The following ERCC8 variants were observed in gnomAD, a reference collection of about 807,000 sequenced individuals.
The protein encoded by ERCC8 is ERCC excision repair 8, CSA ubiquitin ligase complex subunit.
A neutral mutation model predicts 54.9 loss-of-function variants in ERCC8; 52 were observed. The observed-to-expected ratio is 0.95, with a 90% confidence interval of 0.76 to 1.19. The LOEUF (loss-of-function observed/expected upper bound fraction) is 1.19. Among genes scored for constraint, ERCC8 ranks in the 50% most tolerant of loss-of-function variants. The pLI, the probability that ERCC8 is intolerant of heterozygous loss-of-function variation, is 0.00. For missense variants in ERCC8, 514 were observed against 466.1 expected, an observed-to-expected ratio of 1.10 and a Z score of -0.95; for synonymous variants, 146 against 157.2, an observed-to-expected ratio of 0.93 and a Z score of 0.53.
chr5:60,872,233 C>T lies in ERCC8; in HGVS notation c.*2382G>A, dbSNP rs950355113. ...AAAACATGGAGAAAATGCTCCATGA[C>T]ATTGGTCTGGGCAATGATTTTTTTG... On this transcript the variant is annotated 3_prime_UTR_variant, in exon 12 of 12. Transcript: ENST00000676185. Among the ~76,000 whole-genome samples, 1 of 152,118 alleles carries T rather than the reference C, an allele frequency of 6.6e-6. No homozygotes were observed. Among genetic ancestry groups the T allele is most frequent in the African/African-American group, 2.4e-5 (1 of 41,416 alleles).
At position 60,944,967 on chromosome 5, in the gene ERCC8, G is replaced by A. The variant is rs886043215; in HGVS notation, c.42C>T (p.Asp14=). The stretch of plus-strand genomic sequence containing the variant: ...ACTCTGCTCTCCGAAGGCGAAGAGG[G>A]TCCTCCAAACCCGTTTGGCGTGCGG... ...FLSARQTGLE[D]PLRLRRAEST... The change falls in exon 1 of 12, where the codon GAC becomes GAT. Residue 14 remains aspartate, a synonymous_variant. Transcript: ENST00000676185. The A allele has an allele frequency of 1.1e-5, 17 of 1,614,000 alleles. No individual in the cohort carries two copies. The highest frequency in any genetic ancestry group is 1.6e-4 in the Middle Eastern group (1 of 6,084).
At chr5:60,884,523 G>T (rs1382115664) in intron 11 of ERCC8, among the ~76,000 whole-genome samples, 2 of 128,120 alleles carry the variant, frequency 1.6e-5, no homozygotes, top group East Asian at 2.3e-4. Flanking sequence ...GTGTGTATGT[G>T]TTTTTTTTTT....
In ERCC8 at chr5:60,867,470, T is replaced by G. The variant is rs1747777948; in HGVS notation, c.*7145A>C. Among the ~76,000 whole-genome samples, 2 of 152,220 alleles carry G rather than the reference T, an allele frequency of 1.3e-5. No homozygotes were observed. The highest frequency in any genetic ancestry group is 2.4e-5 in the African/African-American group (1 of 41,468). On this transcript the variant is annotated 3_prime_UTR_variant, in exon 12 of 12. Transcript: ENST00000676185. ...TGAAAAAAATAATCTTACCATTCTT[T>G]AATGTCCATAGTGATCATCACTGAG...
chr5:60,889,384 C>A (rs1453954701), intron 10 of ERCC8, among the ~76,000 whole-genome samples: 1 of 152,140 alleles, frequency 6.6e-6, no homozygotes, highest in Non-Finnish European at 1.5e-5. Context: ...GTGAACACGG[C>A]TCACTCAATC....
At chr5:60,902,538 C>T in intron 6 of ERCC8, 30 bp from the exon 7 acceptor site, 2 of 1,576,722 alleles carry the variant, frequency 1.3e-6, no homozygotes, top group African/African-American at 1.3e-5. Flanking sequence ...AAAAGTCTTG[C>T]AAGATATCTG....
chr5:60,933,216 C>CTTTTTTTTTTTTTTTTTTT (rs143139297), intron 1 of ERCC8, among the ~76,000 whole-genome samples: 4 of 89,484 alleles, frequency 4.5e-5, no homozygotes, highest in Non-Finnish European at 8.2e-5. Flanking sequence ...CCTTTTTTTT[C>CTTTTTTTTTTTTTTTTTTT]TTTTTTTTTT....
At chr5:60,933,974 C>G (rs905428433) in intron 1 of ERCC8, among the ~76,000 whole-genome samples, 1 of 151,956 alleles carries the variant, frequency 6.6e-6, no homozygotes, top group Non-Finnish European at 1.5e-5. Flanking sequence ...TTTTCTTTAT[C>G]CACTTGTTGA....
At chr5:60,899,958 C>G (rs533576230) in intron 7 of ERCC8, among the ~76,000 whole-genome samples, 2 of 151,672 alleles carry the variant, frequency 1.3e-5, no homozygotes, top group African/African-American at 4.8e-5. Context: ...TTCCAGATAA[C>G]AAGAACAAAA....
intron 10 of ERCC8, 142 bp from the exon 11 acceptor site, chr5:60,887,662 G>A (rs1748435789): frequency 2.9e-6 from 2 of 682,822 alleles, no homozygotes; most frequent in Non-Finnish European, 5.2e-6. Flanking sequence ...GGCCAATGCT[G>A]TTTTTCCTTT....
In ERCC8 at chr5:60,871,132, CA is replaced by C. The variant is rs1223670989; in HGVS notation, c.*3482del. On this transcript the variant is annotated 3_prime_UTR_variant, in exon 12 of 12. Transcript: ENST00000676185. The stretch of plus-strand genomic sequence containing the variant: ...CAGAGGGGAAAAAAAAGATGATATT[CA>C]ACAACTAAATTGTACAAATTGTACA... Among the ~76,000 whole-genome samples the C allele has an allele frequency of 6.6e-6, 1 of 152,144 alleles. No individual in the cohort carries two copies. The highest frequency in any genetic ancestry group is 2.4e-5 in the African/African-American group (1 of 41,422).
intron 11 of ERCC8, among the ~76,000 whole-genome samples, chr5:60,880,346 G>A (rs1748170129): frequency 6.6e-6 from 1 of 152,078 alleles, no homozygotes. Context: ...TATGTGTCTT[G>A]GAGTTGCTCT....
Position 60,874,695 on chromosome 5 carries a change from A to G in ERCC8, c.1123-12T>C. ...GATTTTGTTGTAGTCTAAAAAAAAA[A>G]AAGATAAAGAAAAAGGAAGATTCTG... On this transcript the variant is annotated splice_polypyrimidine_tract_variant and intron_variant, in intron 11 of 11. Transcript: ENST00000676185. 6.3e-7 allele frequency: 1 copy of G among 1,595,330 alleles called. No individual in the cohort carries two copies. The highest frequency in any genetic ancestry group is 8.5e-7 in the Non-Finnish European group (1 of 1,173,292).
chr5:60,941,028 A>C (rs1194144959), intron 1 of ERCC8, among the ~76,000 whole-genome samples: 1 of 152,170 alleles, frequency 6.6e-6, no homozygotes, highest in African/African-American at 2.4e-5. Context: ...CTTGAACTTG[A>C]GCAACACTGG....
chr5:60,875,595 T>A (rs1430190252), intron 11 of ERCC8, among the ~76,000 whole-genome samples: 1 of 152,262 alleles, frequency 6.6e-6, no homozygotes, highest in African/African-American at 2.4e-5. Context: ...GTGCAACTTT[T>A]ACAACTACTA....
chr5:60,898,607 AG>A (rs889169524), intron 8 of ERCC8, among the ~76,000 whole-genome samples: 1 of 151,978 alleles, frequency 6.6e-6, no homozygotes, highest in Non-Finnish European at 1.5e-5. Flanking sequence ...CAAAAAAAAA[AG>A]GGAAAAAATT....
intron 9 of ERCC8, chr5:60,892,669 G>T: frequency 1.5e-6 from 1 of 661,390 alleles, no homozygotes. Flanking sequence ...GTCTCCACTG[G>T]GGTCATGGGG....
At chr5:60,938,502 T>C (rs290516) in intron 1 of ERCC8, among the ~76,000 whole-genome samples, 96,494 of 151,682 alleles carry the variant, frequency 0.64, 31,114 homozygotes, top group East Asian at 0.94. Flanking sequence ...TACAGGCGTG[T>C]GCCACCACAC....
At position 60,893,790 on chromosome 5, in the gene ERCC8, T is replaced by C. The variant is rs372313824; in HGVS notation, c.844-2704A>G. 7 of 277,320 alleles carry C rather than the reference T, an allele frequency of 2.5e-5. No homozygotes were observed. The East Asian group carries it at 3.9e-4, about 15-fold the overall frequency. 17.2% of individuals were successfully genotyped at this position (277,320 alleles called of 1,614,324 possible). A position where few individuals can be genotyped will look rare whatever the true frequency, so the allele number is the denominator to read the frequency against. The stretch of plus-strand genomic sequence containing the variant: ...CTCCCTTCCCTTTATAGTTAAACAT[T>C]TTTTCATACACATAATATAAAATTT... On this transcript the variant is annotated intron_variant, in intron 9 of 11. Coordinates refer to ENST00000676185, the MANE Select transcript of ERCC8 (RefSeq NM_000082.4).
chr5:60,912,023 C>T (rs1271052407), intron 4 of ERCC8, among the ~76,000 whole-genome samples: 13 of 151,592 alleles, frequency 8.6e-5, no homozygotes, highest in Non-Finnish European at 1.2e-4. Context: ...AGTCAGGTAG[C>T]GTGATGCCTC....
Sources: gnomAD v4.1 joint callset for allele counts (sites outside exome capture counted in the v4.1 genomes callset) on GRCh38, gnomAD v4.1.1 for gene constraint, MANE v1.5 for transcripts, NCBI Gene and HGNC (gene_info 2026-07-23, HGNC 2026-07-21) for gene names.